Variants in EML1 observed in about 807,000 individuals in gnomAD.
EML1 encodes the protein EMAP like 1, also known as echinoderm microtubule-associated protein-like 1.
A neutral mutation model predicts 110.4 loss-of-function variants in EML1; 27 were observed. The observed-to-expected ratio is 0.24, with a 90% confidence interval of 0.18 to 0.34. The LOEUF (loss-of-function observed/expected upper bound fraction) is 0.34, where lower values mean the gene tolerates loss of function less well. Among genes scored for constraint, EML1 ranks in the 10% least tolerant of loss-of-function variants. EML1 has a pLI of 1.00. For missense variants in EML1, 741 were observed against 1,030.9 expected (o/e 0.72, Z 3.85); for synonymous variants, 344 against 385.8 (o/e 0.89, Z 1.27).
chr14:99,802,518 G>T (rs1398434325), intron 1 of EML1, among the ~76,000 whole-genome samples: 1 of 152,020 alleles, frequency 6.6e-6, no homozygotes, highest in Non-Finnish European at 1.5e-5. Context: ...CAAGACGCAG[G>T]AGATACTTAG....
At chr14:99,836,724 T>C (rs1008383873) in intron 1 of EML1, among the ~76,000 whole-genome samples, 1 of 152,208 alleles carries the variant, frequency 6.6e-6, no homozygotes, top group Non-Finnish European at 1.5e-5. Context: ...CGTTGTGAAT[T>C]TTGCCTCGTT....
At chr14:99,864,706 G>T (rs2059062377) in intron 2 of EML1, among the ~76,000 whole-genome samples, 1 of 151,784 alleles carries the variant, frequency 6.6e-6, no homozygotes, top group Non-Finnish European at 1.5e-5. Context: ...CAGCTACTCA[G>T]GAGGCTGAGG....
upstream of EML1, among the ~76,000 whole-genome samples, chr14:99,790,474 A>T (rs573805994): frequency 1.0e-4 from 15 of 150,310 alleles, no homozygotes; most frequent in African/African-American, 3.4e-4. Flanking sequence ...AATAACTAGG[A>T]CTACAGGCAC....
At chr14:99,892,285 C>G (rs975381969) in intron 5 of EML1, 90 of 815,910 alleles carry the variant, frequency 1.1e-4, no homozygotes, top group Non-Finnish European at 1.3e-4. Flanking sequence ...AACAGATGCT[C>G]TCCTTGTATG....
intron 1 of EML1, among the ~76,000 whole-genome samples, chr14:99,800,244 G>A (rs1296744934): frequency 6.6e-6 from 1 of 152,188 alleles, no homozygotes; most frequent in Non-Finnish European, 1.5e-5. Flanking sequence ...AGGACTGGGG[G>A]TGTGCGAAGG....
chr14:99,805,892 T>C (rs2139696574), intron 1 of EML1, among the ~76,000 whole-genome samples: 1 of 152,314 alleles, frequency 6.6e-6, no homozygotes, highest in East Asian at 1.9e-4. Context: ...CACATTGTTG[T>C]GCAGCCATCA....
upstream of EML1, among the ~76,000 whole-genome samples, chr14:99,770,892 C>G (rs1457270931): frequency 6.8e-6 from 1 of 147,476 alleles, no homozygotes; most frequent in Non-Finnish European, 1.5e-5. Flanking sequence ...TCACGCCATT[C>G]GCCTGCCTCA....
Position 99,870,402 on chromosome 14 carries a change from C to T in EML1, c.383+4756C>T, listed in dbSNP as rs549369539. ...AAAGTGCAAGGTAAAGCAGCAAGTGCTATTGTAGAAGCTGCTACAGGTTAT... is the reference window on the plus strand; with the variant it reads ...AAAGTGCAAGGTAAAGCAGCAAGTGTTATTGTAGAAGCTGCTACAGGTTAT... On this transcript the variant is annotated intron_variant, in intron 3 of 21. Coordinates refer to ENST00000262233, the MANE Select transcript of EML1 (RefSeq NM_004434.3). 2.0e-5 allele frequency among the ~76,000 whole-genome samples: 3 copies of T among 152,336 alleles called. No individual in the cohort carries two copies. In the East Asian group the frequency reaches 5.8e-4, roughly 29 times the overall value.
chr14:99,911,522 A>G lies in EML1; in HGVS notation c.1440A>G (p.Lys480=). 1 of 1,612,960 alleles carries G rather than the reference A, an allele frequency of 6.2e-7. No individual in the cohort carries two copies. Among genetic ancestry groups the G allele is most frequent in the Non-Finnish European group, 8.5e-7 (1 of 1,179,796 alleles). ...RDGTLVSGGG[K]DRKLISWSGN... ...GCACACTGGTGTCGGGAGGTGGGAAAGACCGAAAGCTCATTTCTTGGAGCG... is the reference window on the plus strand; with the variant it reads ...GCACACTGGTGTCGGGAGGTGGGAAGGACCGAAAGCTCATTTCTTGGAGCG... Residue 480 remains lysine (K), a synonymous_variant, in exon 13 of 22, where the codon AAA becomes AAG. Transcript: ENST00000262233.
At position 99,878,574 on chromosome 14, in the gene EML1, C is replaced by A. The variant is rs749660797; in HGVS notation, c.473C>A (p.Thr158Lys). 6.2e-7 allele frequency: 1 copy of A among 1,614,060 alleles called. No homozygotes were observed. Among genetic ancestry groups the A allele is most frequent in the Non-Finnish European group, 8.5e-7 (1 of 1,179,984 alleles). Residue 158 changes from threonine (T) to lysine (K), a missense_variant, in exon 4 of 22, where the codon ACA becomes AAA. Physicochemically the swap from Thr to Lys is moderately conservative, Grantham distance 78 (BLOSUM62 -1). Coordinates refer to ENST00000262233, the MANE Select transcript of EML1 (RefSeq NM_004434.3). Reference protein sequence around the residue: ...NGDSRGNRNRTGSTSSSSSGK... With the variant: ...NGDSRGNRNRKGSTSSSSSGK... ...GATTCCAGAGGAAACCGGAATCGCA[C>A]AGGCTCCACCAGCAGCTCTTCCAGT...
chr14:99,818,638 G>T (rs1336660916), intron 1 of EML1, among the ~76,000 whole-genome samples: 1 of 152,202 alleles, frequency 6.6e-6, no homozygotes, highest in Non-Finnish European at 1.5e-5. Context: ...TCCAGAAGGA[G>T]TCAGAGCTGG....
At position 99,892,043 on chromosome 14, in the gene EML1, G is replaced by A. The variant is rs182734396; in HGVS notation, c.547+816G>A. On this transcript the variant is annotated intron_variant, in intron 5 of 21. Transcript: ENST00000262233. The stretch of plus-strand genomic sequence containing the variant: ...CGTGTCCAGATTTTAAGACTGGGGG[G>A]CAGGTCAGGTGTTGGCCTGCGGGCT... 931 of 615,964 alleles carry A rather than the reference G, an allele frequency of 1.5e-3. 5 individuals carry two copies. In the African/African-American group the frequency reaches 0.017, roughly 11 times the overall value. 38.2% of individuals were successfully genotyped at this position (615,964 alleles called of 1,614,324 possible).
At chr14:99,852,905 T>C (rs2058836018) in intron 2 of EML1, among the ~76,000 whole-genome samples, 1 of 152,174 alleles carries the variant, frequency 6.6e-6, no homozygotes, top group Non-Finnish European at 1.5e-5. Context: ...AGTTACAAAG[T>C]GATTCAGGTA....
chr14:99,908,688 G>T (rs1045559723), intron 10 of EML1, among the ~76,000 whole-genome samples: 1 of 152,206 alleles, frequency 6.6e-6, no homozygotes, highest in Non-Finnish European at 1.5e-5. Context: ...GGAGGTTAGG[G>T]TGTGGGCTGA....
intron 17 of EML1, among the ~76,000 whole-genome samples, chr14:99,931,981 C>T (rs7157261): frequency 0.34 from 52,238 of 151,980 alleles, 10,812 homozygotes; most frequent in Non-Finnish European, 0.46. Context: ...AGGAAGGGAA[C>T]GTTTCTCCTG....
Position 99,781,781 on chromosome 14 carries a change from C to T in EML1, c.-27+7768C>T, listed in dbSNP as rs1312866602. Among the ~76,000 whole-genome samples the T allele has an allele frequency of 6.6e-6, 1 of 152,158 alleles. No individual in the cohort carries two copies. Among genetic ancestry groups the T allele is most frequent in the Non-Finnish European group, 1.5e-5 (1 of 68,032 alleles). ...CTTTGACATTAACAGAGCTGGATGT[C>T]TCATCAGTTTCCAGACATACTGAGT... is the stretch of plus-strand genomic sequence containing the variant. On this transcript the variant is annotated intron_variant, in intron 1 of 22. Transcript: ENST00000327921. The surrounding 1 kb of genome is among the most constrained non-coding windows in gnomAD (Gnocchi z 4.2).
chr14:99,888,445 TTCTTA>T (rs1325125829), intron 4 of EML1, among the ~76,000 whole-genome samples: 2 of 152,250 alleles, frequency 1.3e-5, no homozygotes, highest in African/African-American at 2.4e-5. Flanking sequence ...AAAAATAGTT[TTCTTA>T]TCTTTTGATT....
At chr14:99,793,867 G>A (rs1245273393) in intron 1 of EML1, among the ~76,000 whole-genome samples, 1 of 151,390 alleles carries the variant, frequency 6.6e-6, no homozygotes, top group African/African-American at 2.4e-5. Context: ...GGGGAGGCCC[G>A]GGCAGCCTCC....
chr14:99,911,010 T>G (rs987351282), intron 12 of EML1, among the ~76,000 whole-genome samples: 79 of 152,206 alleles, frequency 5.2e-4, no homozygotes, highest in Non-Finnish European at 5.9e-5. Context: ...CTGCTGCTCT[T>G]GGCTCTAGGT....
Sources: gnomAD v4.1 joint callset for allele counts (sites outside exome capture counted in the v4.1 genomes callset) on GRCh38, gnomAD v4.1.1 for gene constraint, Gnocchi (gnomAD v3.1) non-coding constraint, MANE v1.5 for transcripts, NCBI Gene and HGNC (gene_info 2026-07-23, HGNC 2026-07-21) for gene names.